HORMAD2: variants seen among roughly 807,000 people sequenced by gnomAD.
HORMAD2 encodes the protein HORMA domain containing 2, also known as HORMA domain-containing protein 2.
HORMAD2 carries 45 observed loss-of-function variants against 38.8 expected under a neutral mutation model. The observed-to-expected ratio is 1.16, with a 90% confidence interval of 0.91 to 1.49. HORMAD2 has a LOEUF of 1.49. Among genes scored for constraint, HORMAD2 ranks in the 40% most tolerant of loss-of-function variants. The probability of loss-of-function intolerance (pLI) is 0.00; values close to 1 mark genes in which losing one functional copy is unlikely to be tolerated. For missense variants in HORMAD2, 338 were observed against 367.0 expected (o/e 0.92, Z 0.65); for synonymous variants, 126 against 122.8 (o/e 1.03, Z -0.17).
At chr22:30,129,530 G>C (rs113162157) in intron 10 of HORMAD2, among the ~76,000 whole-genome samples, 4 of 152,216 alleles carry the variant, frequency 2.6e-5, no homozygotes, top group African/African-American at 7.2e-5. Flanking sequence ...ATAGGAAACT[G>C]AGCCAGAGAA....
chr22:30,177,349 G>A (rs1926512972), downstream of HORMAD2, among the ~76,000 whole-genome samples: 2 of 152,190 alleles, frequency 1.3e-5, 1 homozygote, highest in South Asian at 4.1e-4. Flanking sequence ...ATCCCAGGGA[G>A]CCTGCCTGTT....
intron 10 of HORMAD2, among the ~76,000 whole-genome samples, chr22:30,132,477 A>C (rs1052600151): frequency 6.0e-5 from 9 of 151,024 alleles, no homozygotes; most frequent in African/African-American, 1.5e-4. Flanking sequence ...CAGAGGTTGC[A>C]GTGAGCTGAG....
chr22:30,148,098 A>G (rs1406222218), intron 10 of HORMAD2, among the ~76,000 whole-genome samples: 2 of 152,226 alleles, frequency 1.3e-5, no homozygotes, highest in Non-Finnish European at 2.9e-5. Context: ...CCGCGTGTCC[A>G]TCAATAGGTG....
chr22:30,205,221 CAG>C, the HORMAD2 span, among the ~76,000 whole-genome samples: 4 of 152,124 alleles, frequency 2.6e-5, no homozygotes, highest in Admixed American at 6.6e-5. Flanking sequence ...AATAACTGGT[CAG>C]AGAGGGTGTG....
At chr22:30,159,618 G>GTGCT (rs1381902060) in intron 10 of HORMAD2, among the ~76,000 whole-genome samples, 1 of 152,194 alleles carries the variant, frequency 6.6e-6, no homozygotes, top group Admixed American at 6.5e-5. Context: ...ATGCATGACT[G>GTGCT]TGCTGATTGT....
At chr22:30,180,900 T>TTCC (rs1926673958), downstream of HORMAD2, among the ~76,000 whole-genome samples, 4 of 118,570 alleles carry the variant, frequency 3.4e-5, no homozygotes, top group Admixed American at 2.5e-4. Context: ...CTTCCTTCCC[T>TTCC]TTCCCTTTCC....
intron 10 of HORMAD2, among the ~76,000 whole-genome samples, chr22:30,161,588 C>T (rs1925444022): frequency 6.6e-6 from 1 of 152,120 alleles, no homozygotes; most frequent in African/African-American, 2.4e-5. Context: ...CCACCTTTAA[C>T]TACCACGGAA....
intron 10 of HORMAD2, among the ~76,000 whole-genome samples, chr22:30,134,707 A>G (rs1436099568): frequency 6.6e-6 from 1 of 151,770 alleles, no homozygotes; most frequent in Non-Finnish European, 1.5e-5. Context: ...AAAAGAAAAA[A>G]AAAGTTCTAC....
At chr22:30,088,200 C>T (rs1041466877) in intron 1 of HORMAD2, among the ~76,000 whole-genome samples, 3 of 149,730 alleles carry the variant, frequency 2.0e-5, no homozygotes, top group African/African-American at 7.4e-5. Context: ...CCTATGTATA[C>T]ATATATACAT....
chr22:30,166,975 G>T (rs1925821953), intron 10 of HORMAD2, among the ~76,000 whole-genome samples: 2 of 152,162 alleles, frequency 1.3e-5, no homozygotes, highest in African/African-American at 2.4e-5. Flanking sequence ...TTACAAGTTT[G>T]GTGGCTAAAA....
rs562650888 is a variant in HORMAD2, at chr22:30,103,511, G to T, written c.257+11G>T. The T allele has an allele frequency of 1.3e-5, 18 of 1,394,068 alleles. No homozygotes were observed. In the African/African-American group the frequency reaches 2.4e-4, roughly 19 times the overall value. The allele number at this position is 1,394,068 out of a possible 1,614,324, so 86.4% of individuals were successfully genotyped here. Reference sequence around the variant, plus strand: ...GCATATTATCAGATGGTAAGTAATAGAAATTCTATAAAAGTTGAACAACAT... The same window carrying T: ...GCATATTATCAGATGGTAAGTAATATAAATTCTATAAAAGTTGAACAACAT... On this transcript the variant is annotated intron_variant, in intron 4 of 10. Transcript: ENST00000336726.
At chr22:30,082,824 A>G (rs943552866) in intron 1 of HORMAD2, among the ~76,000 whole-genome samples, 1 of 151,944 alleles carries the variant, frequency 6.6e-6, no homozygotes, top group African/African-American at 2.4e-5. Context: ...AGAAAAGAAA[A>G]GAAAATGAAT....
intron 10 of HORMAD2, among the ~76,000 whole-genome samples, chr22:30,161,604 A>T (rs1925444864): frequency 6.6e-6 from 1 of 152,300 alleles, no homozygotes; most frequent in East Asian, 1.9e-4. Flanking sequence ...CGGAATTCAT[A>T]ATTATTTACT....
intron 10 of HORMAD2, among the ~76,000 whole-genome samples, chr22:30,150,378 T>C (rs947247259): frequency 3.9e-5 from 6 of 152,212 alleles, no homozygotes; most frequent in Non-Finnish European, 7.3e-5. Context: ...CATCCTGTTC[T>C]TGCTCATGGT....
chr22:30,196,664 A>C, the HORMAD2 span, among the ~76,000 whole-genome samples: 1 of 152,318 alleles, frequency 6.6e-6, no homozygotes. Context: ...GCAGTGATGC[A>C]AGGCTACCTT....
In HORMAD2 at chr22:30,102,716, T is replaced by C. The variant is rs546856821; in HGVS notation, c.194-721T>C. 5.9e-5 allele frequency among the ~76,000 whole-genome samples: 9 copies of C among 152,292 alleles called. No homozygotes were observed. The East Asian group carries it at 7.7e-4, about 13-fold the overall frequency. ...CATTACAGGATTACAGCTTCGACCT[T>C]CCAGCCTCAAGTGATCCTCCTGCCT... On this transcript the variant is annotated intron_variant, in intron 3 of 10. Coordinates refer to ENST00000336726, the MANE Select transcript of HORMAD2 (RefSeq NM_152510.4).
At chr22:30,081,483 A>C (rs1197550025) in intron 1 of HORMAD2, among the ~76,000 whole-genome samples, 3 of 152,216 alleles carry the variant, frequency 2.0e-5, no homozygotes, top group Non-Finnish European at 4.4e-5. Context: ...TAAAATGGTG[A>C]ATAATTTATT....
At chr22:30,118,471 G>A (rs6006359) in intron 7 of HORMAD2, among the ~76,000 whole-genome samples, 32 of 152,292 alleles carry the variant, frequency 2.1e-4, no homozygotes, top group African/African-American at 7.5e-4. Context: ...CTCTATCACA[G>A]CATCTGCTTC....
intron 5 of HORMAD2, among the ~76,000 whole-genome samples, chr22:30,107,166 G>A (rs1490683425): frequency 6.6e-6 from 1 of 152,102 alleles, no homozygotes; most frequent in Non-Finnish European, 1.5e-5. Flanking sequence ...CTCCCAGGGA[G>A]GTCATAATAT....
Sources: allele counts gnomAD v4.1 joint callset (sites outside exome capture counted in the v4.1 genomes callset), GRCh38; gene constraint gnomAD v4.1.1; transcripts MANE v1.5; gene names NCBI Gene and HGNC (gene_info 2026-07-23, HGNC 2026-07-21).